The following PLCB2 variants were observed in gnomAD, a reference collection of about 807,000 sequenced individuals.
PLCB2 encodes the protein phospholipase C beta 2, also known as 1-phosphatidylinositol 4,5-bisphosphate phosphodiesterase beta-2.
In PLCB2, 115 loss-of-function variants were observed where a neutral mutation model predicts 141.7. The ratio of observed to expected loss-of-function variants is 0.81; its 90% CI spans 0.70 to 0.95. PLCB2 has a LOEUF of 0.95. Among genes scored for constraint, PLCB2 ranks in the 40% least tolerant of loss-of-function variants. The pLI, the probability that PLCB2 is intolerant of heterozygous loss-of-function variation, is 0.00. For synonymous variants in PLCB2, 603 were observed against 595.6 expected (o/e 1.01, Z -0.18); for missense variants, 1,403 against 1,541.1 (o/e 0.91, Z 1.50).
chr15:40,299,247 T>G lies in PLCB2; in HGVS notation c.583-19A>C. On this transcript the variant is annotated intron_variant, in intron 7 of 31. Transcript: ENST00000260402. Reference sequence around the variant, plus strand: ...CGTCATTCTAGGGGCATAGTAACCTTATTGCCCCTGCCCTCACCTTCTCAG... The same window carrying G: ...CGTCATTCTAGGGGCATAGTAACCTGATTGCCCCTGCCCTCACCTTCTCAG... 2.0e-6 allele frequency: 3 copies of G among 1,509,290 alleles called. No individual in the cohort carries two copies. The highest frequency in any genetic ancestry group is 2.8e-6 in the Non-Finnish European group (3 of 1,084,370). The allele number at this position is 1,509,290 out of a possible 1,614,324, so 93.5% of individuals were successfully genotyped here. A position where few individuals can be genotyped will look rare whatever the true frequency, so the allele number is the denominator to read the frequency against.
Position 40,288,510 on chromosome 15 carries a change from G to T in PLCB2, c.*205C>A. 7.7e-7 allele frequency: 1 copy of T among 1,301,774 alleles called. No individual in the cohort carries two copies. Among genetic ancestry groups the T allele is most frequent in the Non-Finnish European group, 9.8e-7 (1 of 1,025,034 alleles). 80.6% of individuals were successfully genotyped at this position (1,301,774 alleles called of 1,614,324 possible). A position where few individuals can be genotyped will look rare whatever the true frequency, so the allele number is the denominator to read the frequency against. ...GGAAGTCAGCTTGAGAAGACTTCTA[G>T]GCCCCAGAGAGGCCCTGCCGTGAGG... On this transcript the variant is annotated 3_prime_UTR_variant, in exon 32 of 32. Transcript: ENST00000260402.
Position 40,288,716 on chromosome 15 carries a change from C to T in PLCB2, c.3557G>A (p.Ter1186=). Residue 1186 remains the stop codon, a stop_retained_variant, in exon 32 of 32, where the codon TGA becomes TAA. Coordinates refer to ENST00000260402, the MANE Select transcript of PLCB2 (RefSeq NM_004573.3). ...AKADAQESRL[*] ...AAATGTCCCAGTGGGATGGGGGCAT[C>T]AGAGGCGGCTCTCCTGGGCATCTGC... is the stretch of plus-strand genomic sequence containing the variant. The T allele has an allele frequency of 6.3e-7, 1 of 1,583,772 alleles. No individual in the cohort carries two copies. The highest frequency in any genetic ancestry group is 8.6e-7 in the Non-Finnish European group (1 of 1,158,420).
chr15:40,297,628 T>C lies in PLCB2; in HGVS notation c.1239-23A>G. On this transcript the variant is annotated intron_variant, in intron 12 of 31. Transcript: ENST00000260402. This position sits in a 1 kb window ranked among gnomAD's most constrained non-coding sequence, Gnocchi z 4.2. ...GGTCTGCGGGGAGCAAAAGCGGGGA[T>C]GGGGTTCAGCCGCTCAGCACCAACC... The C allele has an allele frequency of 1.3e-6, 2 of 1,598,904 alleles. No individual in the cohort carries two copies. The highest frequency in any genetic ancestry group is 8.6e-7 in the Non-Finnish European group (1 of 1,166,390).
At chr15:40,298,427 C>G in intron 10 of PLCB2, 47 bp from the exon 11 acceptor site, 2 of 1,571,382 alleles carry the variant, frequency 1.3e-6, no homozygotes, top group African/African-American at 2.7e-5. Flanking sequence ...CCAAAGGCAG[C>G]CCAGCTCTCC....
rs777912179 is a variant in PLCB2, at chr15:40,302,532, G to A, written c.309C>T (p.Ser103=). The change falls in exon 4 of 32, where the codon TCC becomes TCT. Residue 103 remains serine (S), a synonymous_variant. Coordinates refer to ENST00000260402, the MANE Select transcript of PLCB2 (RefSeq NM_004573.3). Reference sequence around the variant, plus strand: ...AGGTGAGGTCCACCATGTCCGGGCCGGACACCACCGTGAGTGTCTTCAGCA... The same window carrying A: ...AGGTGAGGTCCACCATGTCCGGGCCAGACACCACCGTGAGTGTCTTCAGCA... The part of the protein sequence containing the change: ...SFLLKTLTVV[S]GPDMVDLTFH... 45 of 1,614,084 alleles carry A rather than the reference G, an allele frequency of 2.8e-5. No individual in the cohort carries two copies. Among genetic ancestry groups the A allele is most frequent in the African/African-American group, 6.7e-5 (5 of 74,932 alleles).
chr15:40,284,805 A>C (rs1376681672), downstream of PLCB2, among the ~76,000 whole-genome samples: 1 of 127,858 alleles, frequency 7.8e-6, no homozygotes, highest in African/African-American at 3.0e-5. Flanking sequence ...ACGCCACTGC[A>C]CTCCAGCCTG....
At chr15:40,293,787 TG>T (rs1465011520) in intron 19 of PLCB2, 63 bp from the exon 20 acceptor site, 2 of 1,556,986 alleles carry the variant, frequency 1.3e-6, no homozygotes, top group African/African-American at 1.4e-5. Context: ...CCCAAGCATC[TG>T]GGGCCCCTGG....
downstream of PLCB2, among the ~76,000 whole-genome samples, chr15:40,284,816 G>A (rs543530857): frequency 8.4e-6 from 1 of 118,916 alleles, no homozygotes; most frequent in African/African-American, 3.3e-5. Context: ...CTCCAGCCTG[G>A]AGACAGAGTG....
intron 21 of PLCB2, 80 bp from the exon 22 acceptor site, chr15:40,292,523 G>T (rs1566875684): frequency 2.1e-6 from 2 of 945,480 alleles, no homozygotes; most frequent in South Asian, 1.5e-5. Context: ...GGACCCAAGG[G>T]TCTGAGTCTG....
At position 40,303,296 on chromosome 15, in the gene PLCB2, T is replaced by A; in HGVS notation, c.223A>T (p.Met75Leu). 1 of 1,612,834 alleles carries A rather than the reference T, an allele frequency of 6.2e-7. No homozygotes were observed. Among genetic ancestry groups the A allele is most frequent in the Admixed American group, 1.7e-5 (1 of 60,002 alleles). Reference protein sequence around the residue: ...RDTRFGKFAKMPKSQKLRDVF... With the variant: ...RDTRFGKFAKLPKSQKLRDVF... ...CTACTGGACACACCTACCTTGGGCA[T>A]CTTGGCAAACTTCCCAAAGCGAGTA... is the stretch of plus-strand genomic sequence containing the variant. The change falls in exon 3 of 32, where the codon ATG becomes TTG. Residue 75 changes from methionine (M) to leucine (L), a missense_variant. Met to Leu is a conservative substitution (Grantham distance 15). Coordinates refer to ENST00000260402, the MANE Select transcript of PLCB2 (RefSeq NM_004573.3).
At position 40,307,658 on chromosome 15, in the gene PLCB2, G is replaced by T. The variant is rs1189768619; in HGVS notation, c.15C>A (p.Asn5Lys). 1 of 1,571,474 alleles carries T rather than the reference G, an allele frequency of 6.4e-7. No individual in the cohort carries two copies. Among genetic ancestry groups the T allele is most frequent in the East Asian group, 2.4e-5 (1 of 41,660 alleles). Residue 5 changes from asparagine to lysine, a missense_variant, in exon 1 of 32, where the codon AAC (asparagine) becomes AAA (lysine). This residue lies in a region of PLCB2 where 975 missense variants were observed against 1,141.1 expected (regional missense o/e 0.85). Coordinates refer to ENST00000260402, the MANE Select transcript of PLCB2 (RefSeq NM_004573.3). MSLLNPVLLPPKVKA... is the reference protein window; with the variant it reads MSLLKPVLLPPKVKA... The stretch of plus-strand genomic sequence containing the variant: ...TCACCTTGGGGGGCAGCAGGACAGG[G>T]TTGAGCAGAGACATGGTGCCAAGCG...
chr15:40,286,151 A>G (rs2039606449), downstream of PLCB2: 1 of 579,524 alleles, frequency 1.7e-6, no homozygotes, highest in South Asian at 7.6e-5. Flanking sequence ...AACAGCCGGA[A>G]TTAGAAGCTG....
Position 40,292,427 on chromosome 15 carries a change from G to A in PLCB2, c.2343C>T (p.Cys781=), listed in dbSNP as rs775550736. ...NALNSGYHHL[C]LHSESNMPLT... The stretch of plus-strand genomic sequence containing the variant: ...GGGGCATGTTGCTCTCACTGTGCAG[G>A]CACAGGTGGTGGTACCCTGTGAGAC... Residue 781 remains cysteine (C), a synonymous_variant, in exon 22 of 32, where the codon TGC becomes TGT. Coordinates refer to ENST00000260402, the MANE Select transcript of PLCB2 (RefSeq NM_004573.3). 7 of 1,613,244 alleles carry A rather than the reference G, an allele frequency of 4.3e-6. No individual in the cohort carries two copies. The highest frequency in any genetic ancestry group is 2.2e-5 in the East Asian group (1 of 44,858).
Position 40,298,602 on chromosome 15 carries a change from A to AT in PLCB2, c.956dup (p.Asn319LysfsTer25), listed in dbSNP as rs760120024. On this transcript the variant is annotated frameshift_variant, in exon 10 of 32. Transcript: ENST00000260402. LOFTEE classifies it high-confidence loss of function. ...TGTGGGACGAGTTGATGAAGTAATG[A>AT]TTGAGTGGCTGCGTCATGTCGTGGT... is the stretch of plus-strand genomic sequence containing the variant. 8.1e-6 allele frequency: 13 copies of AT among 1,614,114 alleles called. No homozygotes were observed. In the Admixed American group the frequency reaches 1.8e-4, roughly 23 times the overall value.
Position 40,296,763 on chromosome 15 carries a change from G to T in PLCB2, c.1469C>A (p.Pro490His). Residue 490 changes from proline (P) to histidine (H), a missense_variant, in exon 14 of 32, where the codon CCT becomes CAT. Physicochemically the swap from Pro to His is moderately conservative, Grantham distance 77 (BLOSUM62 -2). Transcript: ENST00000260402. The stretch of plus-strand genomic sequence containing the variant: ...CGACTCACCTGTGCCCTCACCTGCA[G>T]GGGCACTGGGTGGGCTGCTGCCCTC... ...EAEGSSPPSA[P>H]AGEGTVWAGE... 6.2e-7 allele frequency: 1 copy of T among 1,613,550 alleles called. No individual in the cohort carries two copies. The highest frequency in any genetic ancestry group is 8.5e-7 in the Non-Finnish European group (1 of 1,179,656).
At chr15:40,302,632 T>C in intron 3 of PLCB2, 23 bp from the exon 4 acceptor site, 1 of 1,613,318 alleles carries the variant, frequency 6.2e-7, no homozygotes, top group Non-Finnish European at 8.5e-7. Flanking sequence ...GTGGTATGGT[T>C]AGGATGGAGG....
Position 40,296,443 on chromosome 15 carries a change from G to A in PLCB2, c.1600-51C>T, listed in dbSNP as rs74699510. 1.3e-3 allele frequency: 2,053 copies of A among 1,613,330 alleles called. 27 individuals are homozygous for A. The African/African-American group carries it at 0.023, about 18-fold the overall frequency. On this transcript the variant is annotated intron_variant, in intron 15 of 31. Transcript: ENST00000260402. The stretch of plus-strand genomic sequence containing the variant: ...AAGAGGAGGATGGTGCAGAGCCCAG[G>A]AATGGGGCCCAAGGCCCCCATCCAG...
chr15:40,290,532 T>C, intron 29 of PLCB2, 45 bp downstream of exon 29: 1 of 1,390,364 alleles, frequency 7.2e-7, no homozygotes, highest in Non-Finnish European at 1.0e-6. Flanking sequence ...CCTTTCCACC[T>C]GAAGTGGGGT....
At position 40,288,237 on chromosome 15, in the gene PLCB2, C is replaced by T; in HGVS notation, c.*478G>A. On this transcript the variant is annotated 3_prime_UTR_variant, in exon 32 of 32. Transcript: ENST00000260402. ...GGGAGCTGTGAGGTAGTGCCAGGATCTGCCTCAAGGAGTGGACAAGGCCAA... is the reference window on the plus strand; with the variant it reads ...GGGAGCTGTGAGGTAGTGCCAGGATTTGCCTCAAGGAGTGGACAAGGCCAA... The T allele has an allele frequency of 1.0e-6, 1 of 986,540 alleles. No individual in the cohort carries two copies. Among genetic ancestry groups the T allele is most frequent in the East Asian group, 1.1e-4 (1 of 8,858 alleles). The allele number at this position is 986,540 out of a possible 1,614,324, so 61.1% of individuals were successfully genotyped here.
Sources: allele counts gnomAD v4.1 joint callset (sites outside exome capture counted in the v4.1 genomes callset), GRCh38; gene constraint gnomAD v4.1.1; regional missense constraint gnomAD v4.1.1; non-coding constraint Gnocchi (gnomAD v3.1); transcripts MANE v1.5; gene names NCBI Gene and HGNC (gene_info 2026-07-23, HGNC 2026-07-21).